Variants in PIP5K1B observed in about 807,000 individuals in gnomAD.
PIP5K1B encodes the protein phosphatidylinositol 4-phosphate 5-kinase type-1 beta.
A neutral mutation model predicts 67.0 loss-of-function variants in PIP5K1B; 42 were observed. That is an observed-to-expected ratio of 0.63 (90% CI 0.49 to 0.81). The LOEUF (loss-of-function observed/expected upper bound fraction) is 0.81. PIP5K1B is among the 30% of genes least tolerant of loss of function. PIP5K1B has a pLI of 0.00. For synonymous variants in PIP5K1B, 214 were observed against 231.4 expected (o/e 0.92, Z 0.68); for missense variants, 459 against 646.3 (o/e 0.71, Z 3.14).
chr9:68,909,703 T>C (rs907406485), intron 8 of PIP5K1B, among the ~76,000 whole-genome samples: 2 of 152,202 alleles, frequency 1.3e-5, no homozygotes, highest in Non-Finnish European at 2.9e-5. Flanking sequence ...GTAAATGGAT[T>C]GTAGGATCCT....
intron 14 of PIP5K1B, among the ~76,000 whole-genome samples, chr9:68,983,053 T>A (rs1229376127): frequency 2.0e-5 from 3 of 152,204 alleles, no homozygotes; most frequent in Admixed American, 2.0e-4. Context: ...CCTTTACTAA[T>A]CTCTCTTTGC....
At chr9:68,969,603 G>T (rs1004695243) in intron 14 of PIP5K1B, among the ~76,000 whole-genome samples, 2 of 152,040 alleles carry the variant, frequency 1.3e-5, no homozygotes, top group Non-Finnish European at 2.9e-5. Flanking sequence ...ATTGCTAGAA[G>T]GCAGAAGAAA....
chr9:68,805,105 C>T (rs115969755), intron 2 of PIP5K1B, among the ~76,000 whole-genome samples: 59 of 152,298 alleles, frequency 3.9e-4, no homozygotes, highest in African/African-American at 1.4e-3. Context: ...CCTGGAGAGG[C>T]TAGCTCAAGT....
At chr9:68,780,068 T>G in intron 2 of PIP5K1B, 4 of 1,421,928 alleles carry the variant, frequency 2.8e-6, no homozygotes, top group South Asian at 1.6e-5. Context: ...CGCTGACAGA[T>G]TCTCGGTGGC....
intron 8 of PIP5K1B, among the ~76,000 whole-genome samples, chr9:68,899,650 A>G (rs1298710580): frequency 6.6e-6 from 1 of 152,260 alleles, no homozygotes; most frequent in East Asian, 1.9e-4. Context: ...GATTATTTGA[A>G]AAGTTGTACT....
At chr9:68,915,616 C>G (rs1025312206) in intron 8 of PIP5K1B, among the ~76,000 whole-genome samples, 7 of 152,116 alleles carry the variant, frequency 4.6e-5, no homozygotes, top group Admixed American at 1.3e-4. Context: ...TCACCCCTCC[C>G]TTCCTCCTCC....
At chr9:68,999,421 T>G (rs1330579828) in intron 15 of PIP5K1B, among the ~76,000 whole-genome samples, 1 of 152,214 alleles carries the variant, frequency 6.6e-6, no homozygotes, top group Non-Finnish European at 1.5e-5. Context: ...TGGTTGTCAC[T>G]GTGACGTTAG....
At chr9:68,815,784 GAAATC>G (rs1339947612) in intron 2 of PIP5K1B, among the ~76,000 whole-genome samples, 4 of 151,984 alleles carry the variant, frequency 2.6e-5, no homozygotes, top group East Asian at 1.9e-4. Flanking sequence ...AGAAGATTAA[GAAATC>G]AAATCAAAGA....
intron 14 of PIP5K1B, among the ~76,000 whole-genome samples, chr9:68,955,517 TTAA>T (rs1828341052): frequency 6.6e-6 from 1 of 152,218 alleles, no homozygotes; most frequent in Non-Finnish European, 1.5e-5. Context: ...GAAACAGTTC[TTAA>T]TAAACAAGGG....
At chr9:68,768,895 GA>G (rs1039898537) in intron 2 of PIP5K1B, among the ~76,000 whole-genome samples, 3 of 152,120 alleles carry the variant, frequency 2.0e-5, no homozygotes, top group African/African-American at 7.2e-5. Context: ...CATTTCAATA[GA>G]AACCCCTGGT....
In PIP5K1B at chr9:68,876,803, C is replaced by T. The variant is rs771442784; in HGVS notation, c.318+9C>T. Reference sequence around the variant, plus strand: ...AGCCTGATGATTACTTGGTAAGAACCTGTCATTTTTCTTCCTTCTATAGAA... The same window carrying T: ...AGCCTGATGATTACTTGGTAAGAACTTGTCATTTTTCTTCCTTCTATAGAA... On this transcript the variant is annotated intron_variant, in intron 6 of 15. Coordinates refer to ENST00000265382, the MANE Select transcript of PIP5K1B (RefSeq NM_003558.4). 3 of 1,298,294 alleles carry T rather than the reference C, an allele frequency of 2.3e-6. No homozygotes were observed. Among genetic ancestry groups the T allele is most frequent in the South Asian group, 2.4e-5 (2 of 84,580 alleles). The allele number at this position is 1,298,294 out of a possible 1,614,324, so 80.4% of individuals were successfully genotyped here.
At chr9:68,725,761 T>G (rs189259889) in intron 1 of PIP5K1B, among the ~76,000 whole-genome samples, 132 of 152,336 alleles carry the variant, frequency 8.7e-4, no homozygotes, top group African/African-American at 2.9e-3. Context: ...AAACTCATAC[T>G]TACTTGTTAA....
intron 14 of PIP5K1B, 65 bp downstream of exon 14, chr9:68,940,855 G>C (rs1827525440): frequency 1.4e-6 from 2 of 1,453,258 alleles, no homozygotes. Flanking sequence ...GCCTGAACCA[G>C]TATCTCTGAA....
At chr9:68,796,994 T>A (rs1832328855) in intron 2 of PIP5K1B, among the ~76,000 whole-genome samples, 1 of 152,192 alleles carries the variant, frequency 6.6e-6, no homozygotes, top group East Asian at 1.9e-4. Context: ...GGTTGTCAGT[T>A]TTAGGGTTAT....
chr9:68,844,367 G>A (rs985449038), intron 4 of PIP5K1B, among the ~76,000 whole-genome samples: 4 of 152,210 alleles, frequency 2.6e-5, no homozygotes, highest in Non-Finnish European at 4.4e-5. Context: ...GGGGAACCAA[G>A]GGGGAAGGAA....
intron 14 of PIP5K1B, among the ~76,000 whole-genome samples, chr9:68,975,878 C>T (rs944330086): frequency 6.6e-6 from 1 of 152,140 alleles, no homozygotes; most frequent in Admixed American, 6.5e-5. Flanking sequence ...TTTATAAGAA[C>T]ACCAGTCATA....
intron 15 of PIP5K1B, among the ~76,000 whole-genome samples, chr9:69,000,699 C>T (rs540998435): frequency 1.8e-4 from 27 of 152,254 alleles, no homozygotes; most frequent in East Asian, 5.8e-4. Context: ...CCTGTGGCCT[C>T]GTTTTAATCT....
intron 1 of PIP5K1B, among the ~76,000 whole-genome samples, chr9:68,718,559 C>G (rs933107131): frequency 6.6e-6 from 1 of 152,152 alleles, no homozygotes; most frequent in Admixed American, 6.5e-5. Context: ...CTATGCAGAA[C>G]CTTTGGGCAG....
chr9:68,894,033 C>T (rs1477006477), intron 7 of PIP5K1B, among the ~76,000 whole-genome samples: 1 of 152,168 alleles, frequency 6.6e-6, no homozygotes, highest in Non-Finnish European at 1.5e-5. Flanking sequence ...TTCTCTTTGG[C>T]TACCTTAGAG....
Sources: allele counts gnomAD v4.1 joint callset (sites outside exome capture counted in the v4.1 genomes callset), GRCh38; gene constraint gnomAD v4.1.1; transcripts MANE v1.5; gene names NCBI Gene and HGNC (gene_info 2026-07-23, HGNC 2026-07-21).